Variants in HMCN1 observed in about 807,000 individuals in gnomAD.
The protein encoded by HMCN1 is hemicentin-1.
HMCN1 carries 321 observed loss-of-function variants against 625.9 expected under a neutral mutation model. The ratio of observed to expected loss-of-function variants is 0.51; its 90% confidence interval spans 0.47 to 0.56. The LOEUF (loss-of-function observed/expected upper bound fraction) is 0.56, where lower values mean the gene tolerates loss of function less well. Ranked by LOEUF, HMCN1 falls within the 20% of genes least tolerant of loss-of-function variation. The pLI is 0.00. For missense variants in HMCN1, 6,588 were observed against 6,887.3 expected (o/e 0.96, Z 1.54); for synonymous variants, 2,425 against 2,417.6 (o/e 1.00, Z -0.09).
At chr1:186,166,784 G>C in intron 99 of HMCN1, 24 bp from the exon 100 acceptor site, 2 of 1,614,054 alleles carry the variant, frequency 1.2e-6, no homozygotes, top group Non-Finnish European at 1.7e-6. Flanking sequence ...GCTCACCTCA[G>C]TTGAATGATT....
chr1:185,827,429 G>T lies in HMCN1; in HGVS notation c.269-18597G>T, dbSNP rs955201944. On this transcript the variant is annotated intron_variant, in intron 1 of 106. Transcript: ENST00000271588. The stretch of plus-strand genomic sequence containing the variant: ...GAGAAGAGATGGTAGGTGAACAGTG[G>T]TCTCAAAGAAATGGACAGGAAAAAT... Among the ~76,000 whole-genome samples, 13 of 151,970 alleles carry T rather than the reference G, an allele frequency of 8.6e-5. 1 individual carries two copies. The highest frequency in any genetic ancestry group is 6.6e-4 in the Admixed American group (10 of 15,260).
intron 28 of HMCN1, among the ~76,000 whole-genome samples, chr1:186,001,969 A>G (rs1653232201): frequency 6.6e-6 from 1 of 152,142 alleles, no homozygotes; most frequent in Non-Finnish European, 1.5e-5. Context: ...TATATACAGT[A>G]GTATCAAATA....
intron 36 of HMCN1, among the ~76,000 whole-genome samples, chr1:186,029,417 T>G (rs966293683): frequency 6.6e-6 from 1 of 152,218 alleles, no homozygotes; most frequent in Admixed American, 6.5e-5. Context: ...TAATAGAAGA[T>G]TCATCCTTTT....
At chr1:185,750,134 A>G (rs1654696582) in intron 1 of HMCN1, among the ~76,000 whole-genome samples, 1 of 152,188 alleles carries the variant, frequency 6.6e-6, no homozygotes, top group African/African-American at 2.4e-5. Context: ...TCTCTTCTAA[A>G]TATAAACTCC....
At chr1:186,052,162 G>A (rs1451143907) in intron 42 of HMCN1, among the ~76,000 whole-genome samples, 2 of 151,822 alleles carry the variant, frequency 1.3e-5, no homozygotes, top group African/African-American at 4.8e-5. Context: ...GAGAGAGAGA[G>A]AAATAAATTG....
rs138512218 is a variant in HMCN1, at chr1:186,025,005, T to G, written c.5749+1852T>G. ...GGTATAATTATACAACTCACCATAA[T>G]GTAGAATCAGTGGAAGCCCTGAGCT... On this transcript the variant is annotated intron_variant, in intron 36 of 106. Transcript: ENST00000271588. Among the ~76,000 whole-genome samples the G allele has an allele frequency of 7.2e-4, 109 of 152,266 alleles. 2 individuals carry two copies. Among genetic ancestry groups the G allele is most frequent in the Non-Finnish European group, 7.4e-5 (5 of 68,024 alleles).
intron 4 of HMCN1, among the ~76,000 whole-genome samples, chr1:185,888,790 G>A (rs1293642177): frequency 6.2e-5 from 9 of 144,402 alleles, no homozygotes; most frequent in East Asian, 1.9e-4. Flanking sequence ...TTGGCGATGC[G>A]GGCTCTTTTT....
At chr1:185,905,941 C>A (rs1666074774) in intron 4 of HMCN1, among the ~76,000 whole-genome samples, 1 of 151,684 alleles carries the variant, frequency 6.6e-6, no homozygotes, top group South Asian at 2.1e-4. Flanking sequence ...GTCAGAGAAC[C>A]ATTTTTATAT....
chr1:185,984,751 C>G (rs1045285333), intron 19 of HMCN1, among the ~76,000 whole-genome samples: 3 of 152,150 alleles, frequency 2.0e-5, no homozygotes, highest in African/African-American at 7.2e-5. Context: ...ACCTCATGTG[C>G]TCCAAACAAT....
At chr1:186,043,181 T>C (rs1656321874) in intron 40 of HMCN1, among the ~76,000 whole-genome samples, 1 of 152,088 alleles carries the variant, frequency 6.6e-6, no homozygotes, top group Admixed American at 6.6e-5. Flanking sequence ...ACAAACATAA[T>C]GTTTAGGATG....
rs113608660 is a variant in HMCN1, at chr1:186,112,934, A to G, written c.11112A>G (p.Glu3704=). The part of the protein sequence containing the change: ...ASNIAGKTTR[E]FILTVNVPPN... ...ACATTGCAGGAAAGACTACAAGAGA[A>G]TTTATTCTCACTGTAAATGGTAAGA... The change falls in exon 72 of 107, where the codon GAA becomes GAG. Residue 3704 remains glutamate, a synonymous_variant. Coordinates refer to ENST00000271588, the MANE Select transcript of HMCN1 (RefSeq NM_031935.3). The G allele has an allele frequency of 1.2e-6, 2 of 1,614,110 alleles. No homozygotes were observed. The highest frequency in any genetic ancestry group is 1.7e-6 in the Non-Finnish European group (2 of 1,180,000).
intron 4 of HMCN1, among the ~76,000 whole-genome samples, chr1:185,906,033 C>A (rs147915317): frequency 4.0e-5 from 6 of 151,656 alleles, no homozygotes; most frequent in African/African-American, 1.5e-4. Context: ...AATTTGTAGG[C>A]TCTCACATTA....
Position 185,734,713 on chromosome 1 carries a change from G to A in HMCN1, c.-67G>A. ...TACTCTGAGAGGAAACCCTCTGCCT[G>A]TTGTTGAGGAGGACTGAGCACAGTG... On this transcript the variant is annotated 5_prime_UTR_variant, in exon 1 of 107. Coordinates refer to ENST00000271588, the MANE Select transcript of HMCN1 (RefSeq NM_031935.3). 1.3e-6 allele frequency: 2 copies of A among 1,487,624 alleles called. No homozygotes were observed. Among genetic ancestry groups the A allele is most frequent in the East Asian group, 4.5e-5 (2 of 44,304 alleles). The allele number at this position is 1,487,624 out of a possible 1,614,324, so 92.2% of individuals were successfully genotyped here.
rs868181804 is a variant in HMCN1 at position 186,040,415 on chromosome 1, C to T, written c.6180+536C>T. The stretch of plus-strand genomic sequence containing the variant: ...AGTCAAAATTAAAAATATAGAAATG[C>T]GTATATACCTAATATAAAGTTTAAT... On this transcript the variant is annotated intron_variant, in intron 39 of 106. Coordinates refer to ENST00000271588, the MANE Select transcript of HMCN1 (RefSeq NM_031935.3). 7.9e-5 allele frequency among the ~76,000 whole-genome samples: 12 copies of T among 151,910 alleles called. No individual in the cohort carries two copies. In the East Asian group the frequency reaches 1.3e-3, roughly 17 times the overall value.
Position 185,800,721 on chromosome 1 carries a change from A to G in HMCN1, c.269-45305A>G, listed in dbSNP as rs537508646. 2.2e-4 allele frequency among the ~76,000 whole-genome samples: 33 copies of G among 152,324 alleles called. 1 individual carries two copies. Among genetic ancestry groups the G allele is most frequent in the African/African-American group, 7.7e-4 (32 of 41,574 alleles). ...TATTTGAATTAACCATACCCAATTT[A>G]TGAATTGTCTTAGTATTTATGAACT... is the stretch of plus-strand genomic sequence containing the variant. On this transcript the variant is annotated intron_variant, in intron 1 of 106. Transcript: ENST00000271588.
At chr1:186,131,090 G>T (rs1558246506) in intron 85 of HMCN1, among the ~76,000 whole-genome samples, 1 of 152,058 alleles carries the variant, frequency 6.6e-6, no homozygotes, top group Non-Finnish European at 1.5e-5. Context: ...TGGTGCTTTG[G>T]TTTATTATTC....
At chr1:185,904,974 A>G (rs1666017316) in intron 4 of HMCN1, among the ~76,000 whole-genome samples, 1 of 151,806 alleles carries the variant, frequency 6.6e-6, no homozygotes, top group African/African-American at 2.4e-5. Flanking sequence ...TGCATTTCTT[A>G]AAAACTGGCT....
intron 93 of HMCN1, among the ~76,000 whole-genome samples, chr1:186,149,355 T>G (rs1018060113): frequency 6.6e-6 from 1 of 152,200 alleles, no homozygotes; most frequent in African/African-American, 2.4e-5. Context: ...GCATGTGCTG[T>G]TCTACCTTGC....
At chr1:185,970,091 G>A (rs1432765342) in intron 14 of HMCN1, among the ~76,000 whole-genome samples, 1 of 152,052 alleles carries the variant, frequency 6.6e-6, no homozygotes, top group Non-Finnish European at 1.5e-5. Context: ...GGTTCCCCAA[G>A]GTATCTTCAA....
Sources: allele counts gnomAD v4.1 joint callset (sites outside exome capture counted in the v4.1 genomes callset), GRCh38; gene constraint gnomAD v4.1.1; transcripts MANE v1.5; gene names NCBI Gene and HGNC (gene_info 2026-07-23, HGNC 2026-07-21).